Variants in GALNT13 observed in about 807,000 individuals in gnomAD.
The protein encoded by GALNT13 is polypeptide N-acetylgalactosaminyltransferase 13, also known as UDP-GalNAc:polypeptide N-acetylgalactosaminyltransferase 13.
Under a neutral mutation model 64.2 loss-of-function variants are expected in GALNT13, and 28 were observed. The observed-to-expected ratio is 0.44, with a 90% CI of 0.32 to 0.60. The LOEUF is 0.60. GALNT13 is among the 20% of genes least tolerant of loss of function. The pLI is 0.05. For synonymous variants in GALNT13, 214 were observed against 224.6 expected, an observed-to-expected ratio of 0.95 and a Z score of 0.42; for missense variants, 577 against 669.8, an observed-to-expected ratio of 0.86 and a Z score of 1.53.
the GALNT13 span, among the ~76,000 whole-genome samples, chr2:153,439,830 A>G: frequency 2.6e-5 from 4 of 152,096 alleles, no homozygotes; most frequent in African/African-American, 9.7e-5. Context: ...ACTGTCCTGC[A>G]TCCACTGTCC....
intron 1 of GALNT13, among the ~76,000 whole-genome samples, chr2:153,896,081 A>ATATATTTTTTTTTTTTTTT (rs1574065409): frequency 2.2e-5 from 3 of 136,872 alleles, no homozygotes; most frequent in African/African-American, 8.4e-5. Flanking sequence ...ATGATTTTAT[A>ATATATTTTTTTTTTTTTTT]TTTTTATGTT....
chr2:153,113,769 T>A, the GALNT13 span, among the ~76,000 whole-genome samples: 1 of 152,202 alleles, frequency 6.6e-6, no homozygotes, highest in Admixed American at 6.5e-5. Context: ...TGAAAGAATC[T>A]ACAAGATCAT....
intron 3 of GALNT13, among the ~76,000 whole-genome samples, chr2:153,997,816 C>T (rs1038767134): frequency 6.6e-6 from 1 of 152,098 alleles, no homozygotes; most frequent in African/African-American, 2.4e-5. Context: ...CCGACAGACC[C>T]TGGTGTGTGG....
Position 154,140,502 on chromosome 2 carries a change from A to G in GALNT13, c.308A>G (p.Glu103Gly). The G allele has an allele frequency of 6.2e-7, 1 of 1,602,540 alleles. No homozygotes were observed. The highest frequency in any genetic ancestry group is 2.2e-5 in the East Asian group (1 of 44,694). ...LNRSLPDVRL[E>G]GCKTKVYPDE... ...AGAAGTCTGCCAGATGTAAGATTAGAAGGGTAAGTTTGCATTTGTTATATA... is the reference window on the plus strand; with the variant it reads ...AGAAGTCTGCCAGATGTAAGATTAGGAGGGTAAGTTTGCATTTGTTATATA... Residue 103 changes from glutamate to glycine, a missense_variant, in exon 4 of 13, where the codon GAA becomes GGA. Transcript: ENST00000392825.
chr2:153,420,740 C>T, the GALNT13 span: 2 of 229,614 alleles, frequency 8.7e-6, no homozygotes, highest in African/African-American at 4.6e-5. Flanking sequence ...CAAGGGCAGC[C>T]ATGTCCTCAC....
At chr2:154,148,716 A>C (rs1683779153) in intron 4 of GALNT13, among the ~76,000 whole-genome samples, 1 of 152,120 alleles carries the variant, frequency 6.6e-6, no homozygotes, top group South Asian at 2.1e-4. Flanking sequence ...TGGCTGCATA[A>C]ATGTCTTCTT....
intron 4 of GALNT13, among the ~76,000 whole-genome samples, chr2:154,199,853 C>CT (rs1687078344): frequency 6.6e-6 from 1 of 151,954 alleles, no homozygotes; most frequent in African/African-American, 2.4e-5. Context: ...TATCTGAACT[C>CT]TTTCTTGAAT....
the GALNT13 span, among the ~76,000 whole-genome samples, chr2:153,589,489 G>A: frequency 1.3e-5 from 2 of 152,002 alleles, no homozygotes; most frequent in African/African-American, 4.8e-5. Flanking sequence ...CACATTTTTG[G>A]GTATCTTTTC....
At chr2:154,132,851 C>T (rs67760617) in intron 3 of GALNT13, among the ~76,000 whole-genome samples, 28,210 of 150,090 alleles carry the variant, frequency 0.19, 3,339 homozygotes, top group Non-Finnish European at 0.26. Context: ...GCCAAGATCA[C>T]GCCATGGCAC....
At chr2:153,370,295 GA>G in the GALNT13 span, among the ~76,000 whole-genome samples, 16 of 152,118 alleles carry the variant, frequency 1.1e-4, no homozygotes, top group East Asian at 2.1e-3. Flanking sequence ...AAATAAAGAG[GA>G]AAGAATATTT....
At chr2:154,372,812 T>G (rs1329217426) in intron 9 of GALNT13, among the ~76,000 whole-genome samples, 1 of 92,740 alleles carries the variant, frequency 1.1e-5, no homozygotes, top group Non-Finnish European at 2.7e-5. Context: ...GTGCATACAT[T>G]GCTCTATATT....
intron 7 of GALNT13, among the ~76,000 whole-genome samples, chr2:154,258,222 T>C (rs1030216608): frequency 6.6e-6 from 1 of 152,184 alleles, no homozygotes; most frequent in African/African-American, 2.4e-5. Context: ...TTGTCTTTAA[T>C]TTGTCTTTTA....
chr2:153,791,398 A>G, the GALNT13 span, among the ~76,000 whole-genome samples: 1 of 152,142 alleles, frequency 6.6e-6, no homozygotes, highest in Non-Finnish European at 1.5e-5. Flanking sequence ...TTAGTTTTGC[A>G]CCAACCTAAT....
chr2:153,074,264 T>A, the GALNT13 span, among the ~76,000 whole-genome samples: 1 of 152,216 alleles, frequency 6.6e-6, no homozygotes, highest in Non-Finnish European at 1.5e-5. Context: ...TACATTTATG[T>A]ACTCTGAGAT....
the GALNT13 span, among the ~76,000 whole-genome samples, chr2:153,679,926 C>T: frequency 6.6e-6 from 1 of 151,748 alleles, no homozygotes; most frequent in African/African-American, 2.4e-5. Flanking sequence ...TATTTCATAC[C>T]TGTAAAACAA....
At chr2:153,490,252 A>T in the GALNT13 span, among the ~76,000 whole-genome samples, 1 of 152,216 alleles carries the variant, frequency 6.6e-6, no homozygotes, top group Non-Finnish European at 1.5e-5. Context: ...AAAATTTTTT[A>T]AAAACTTTAA....
chr2:153,940,412 C>G (rs565548325), intron 2 of GALNT13, among the ~76,000 whole-genome samples: 2 of 151,994 alleles, frequency 1.3e-5, no homozygotes, highest in South Asian at 2.1e-4. Context: ...AGTCCGCCAC[C>G]ACGCCCAGCT....
intron 3 of GALNT13, among the ~76,000 whole-genome samples, chr2:153,956,051 G>T (rs1405429141): frequency 6.6e-6 from 1 of 152,190 alleles, no homozygotes; most frequent in Non-Finnish European, 1.5e-5. Flanking sequence ...ATGGAGTTGG[G>T]CAAGCACCTG....
the GALNT13 span, among the ~76,000 whole-genome samples, chr2:153,190,644 A>T: frequency 6.6e-6 from 1 of 152,038 alleles, no homozygotes; most frequent in Admixed American, 6.6e-5. Context: ...TAGAGACTGC[A>T]TTGAATCTAT....
Sources: allele counts gnomAD v4.1 joint callset (sites outside exome capture counted in the v4.1 genomes callset), GRCh38; gene constraint gnomAD v4.1.1; transcripts MANE v1.5; gene names NCBI Gene and HGNC (gene_info 2026-07-23, HGNC 2026-07-21).